Variants in PAK2 observed in about 807,000 individuals in gnomAD.
The protein encoded by PAK2 is p21 (RAC1) activated kinase 2.
Under a neutral mutation model 65.9 loss-of-function variants are expected in PAK2, and 21 were observed. That is an observed-to-expected ratio of 0.32 (90% CI 0.23 to 0.46). PAK2 has a LOEUF of 0.46. PAK2 is among the 20% of genes least tolerant of loss of function. The probability of loss-of-function intolerance (pLI) is 1.00; values close to 1 mark genes in which losing one functional copy is unlikely to be tolerated. For synonymous variants in PAK2, 204 were observed against 219.7 expected (o/e 0.93, Z 0.63); for missense variants, 324 against 642.6 (o/e 0.50, Z 5.36).
intron 11 of PAK2, 32 bp from the exon 12 acceptor site, chr3:196,818,025 A>G (rs1577747517): frequency 1.1e-6 from 1 of 881,900 alleles, no homozygotes; most frequent in South Asian, 1.3e-5. Context: ...TTCAGGGACT[A>G]TTTCATTAAT....
At chr3:196,815,183 A>AG (rs1398639168) in intron 11 of PAK2, among the ~76,000 whole-genome samples, 3 of 151,154 alleles carry the variant, frequency 2.0e-5, no homozygotes, top group Non-Finnish European at 2.9e-5. Context: ...CCGTCTCAAA[A>AG]AAAAAGAAAA....
intron 1 of PAK2, among the ~76,000 whole-genome samples, chr3:196,762,951 A>C (rs79555028): frequency 0.058 from 8,905 of 152,278 alleles, 353 homozygotes; most frequent in African/African-American, 0.11. Context: ...TAATTGACTG[A>C]CTATAACAGG....
At chr3:196,746,813 T>TAAAA (rs71621294) in intron 1 of PAK2, among the ~76,000 whole-genome samples, 2 of 129,070 alleles carry the variant, frequency 1.5e-5, no homozygotes, top group Non-Finnish European at 1.6e-5. Context: ...TCTGTCTCAT[T>TAAAA]AAAAAAAAAA....
In PAK2 at chr3:196,806,719, G is replaced by A. The variant is rs1167691392; in HGVS notation, c.576+33G>A. ...TCCATCGGTGATCTAGGCTGTGTGT[G>A]TGCACGTGTGTTTTAAAAAATAGCA... is the stretch of plus-strand genomic sequence containing the variant. On this transcript the variant is annotated intron_variant, in intron 6 of 14. Transcript: ENST00000327134. 5.0e-6 allele frequency: 6 copies of A among 1,201,050 alleles called. No individual in the cohort carries two copies. The Admixed American group carries it at 1.0e-4, about 21-fold the overall frequency. 74.4% of individuals were successfully genotyped at this position (1,201,050 alleles called of 1,614,324 possible).
At chr3:196,767,793 T>C (rs1476135859) in intron 1 of PAK2, among the ~76,000 whole-genome samples, 2 of 151,982 alleles carry the variant, frequency 1.3e-5, no homozygotes. Flanking sequence ...CGTGCCCGGC[T>C]GAAATACATG....
intron 10 of PAK2, 66 bp from the exon 11 acceptor site, chr3:196,814,385 A>G (rs1715925402): frequency 3.0e-6 from 2 of 666,448 alleles, no homozygotes; most frequent in Admixed American, 5.6e-5. Context: ...TGAATTCTTC[A>G]ACATAGAATA....
At chr3:196,768,313 A>C (rs1714240634) in intron 1 of PAK2, among the ~76,000 whole-genome samples, 1 of 151,926 alleles carries the variant, frequency 6.6e-6, no homozygotes, top group African/African-American at 2.4e-5. Context: ...AGTTTTGCCC[A>C]AGACACTATT....
intron 7 of PAK2, among the ~76,000 whole-genome samples, chr3:196,808,665 C>T (rs551699143): frequency 1.3e-5 from 2 of 151,220 alleles, no homozygotes; most frequent in South Asian, 2.1e-4. Context: ...AGGAGCAAGA[C>T]TAGCCTGGCC....
chr3:196,763,025 A>G (rs941550809), intron 1 of PAK2, among the ~76,000 whole-genome samples: 7 of 152,172 alleles, frequency 4.6e-5, no homozygotes, highest in African/African-American at 1.7e-4. Flanking sequence ...TGGAATAGCA[A>G]AAGTAAGAAG....
chr3:196,768,768 C>T lies in PAK2; in HGVS notation c.-21-13858C>T, dbSNP rs1007124693. Among the ~76,000 whole-genome samples the T allele has an allele frequency of 3.3e-5, 5 of 151,668 alleles. No individual in the cohort carries two copies. The East Asian group carries it at 5.8e-4, about 18-fold the overall frequency. The stretch of plus-strand genomic sequence containing the variant: ...GCAACCTCCTCCTCATGAGTTCAAG[C>T]GATTCTCCTGCCTCAGCCTCTTGAG... On this transcript the variant is annotated intron_variant, in intron 1 of 14. Coordinates refer to ENST00000327134, the MANE Select transcript of PAK2 (RefSeq NM_002577.4).
chr3:196,828,067 T>C (rs534315564), intron 14 of PAK2, among the ~76,000 whole-genome samples: 1 of 131,784 alleles, frequency 7.6e-6, no homozygotes, highest in Non-Finnish European at 1.6e-5. Context: ...GTTTACAGTT[T>C]GTGCATCGTA....
At position 196,828,829 on chromosome 3, in the gene PAK2, C is replaced by T. The variant is rs115360023; in HGVS notation, c.*424C>T. 0.11 allele frequency: 17,938 copies of T among 170,006 alleles called. 1,284 individuals carry two copies. The highest frequency in any genetic ancestry group is 0.16 in the Middle Eastern group (58 of 368). The allele number at this position is 170,006 out of a possible 1,614,324, so 10.5% of individuals were successfully genotyped here. A position where few individuals can be genotyped will look rare whatever the true frequency, so the allele number is the denominator to read the frequency against. On this transcript the variant is annotated 3_prime_UTR_variant, in exon 15 of 15. Coordinates refer to ENST00000327134, the MANE Select transcript of PAK2 (RefSeq NM_002577.4). ...AGTCTTTCTCTCCTTCATAGCTTTT[C>T]TTTTCCTGGACTTGCTCCTTTTGAG...
chr3:196,809,824 C>G (rs4916554), intron 7 of PAK2, among the ~76,000 whole-genome samples: 131,542 of 151,920 alleles, frequency 0.87, 57,076 homozygotes, highest in East Asian at 1. Flanking sequence ...CTATTTATGT[C>G]AGTTTCCTTG....
intron 8 of PAK2, among the ~76,000 whole-genome samples, chr3:196,811,206 C>T (rs1715779651): frequency 2.2e-5 from 1 of 45,776 alleles, no homozygotes; most frequent in Non-Finnish European, 4.2e-5. Context: ...TTCCTCCCTT[C>T]CTTCCCTTCC....
chr3:196,782,849 G>A lies in PAK2; in HGVS notation c.187+16G>A. ...ACAGAGAAAGGTAAATAGCGCTTCT[G>A]GCTTTCAGAGTCTCAGCATTGGTTT... On this transcript the variant is annotated intron_variant, in intron 2 of 14. Transcript: ENST00000327134. The A allele has an allele frequency of 1.3e-6, 2 of 1,553,912 alleles. No individual in the cohort carries two copies. The highest frequency in any genetic ancestry group is 1.8e-5 in the Admixed American group (1 of 55,282).
At chr3:196,755,441 G>A (rs923611592) in intron 1 of PAK2, among the ~76,000 whole-genome samples, 2 of 145,662 alleles carry the variant, frequency 1.4e-5, no homozygotes, top group Non-Finnish European at 1.5e-5. Context: ...GAGTGTTTAC[G>A]CATTTCTTCT....
chr3:196,794,137 AAAAAG>A (rs376825104), intron 2 of PAK2, among the ~76,000 whole-genome samples: 97 of 152,336 alleles, frequency 6.4e-4, no homozygotes, highest in African/African-American at 2.1e-3. Flanking sequence ...TCTCAAATAA[AAAAAG>A]AAAAGAAAAT....
At chr3:196,827,677 C>T (rs1351949447) in intron 14 of PAK2, among the ~76,000 whole-genome samples, 1 of 151,948 alleles carries the variant, frequency 6.6e-6, no homozygotes, top group Admixed American at 6.6e-5. Context: ...AGGTGCAGCA[C>T]AGCAACATGG....
rs1489818285 is a variant in PAK2 at position 196,829,884 on chromosome 3, T to C, written c.*1479T>C. On this transcript the variant is annotated 3_prime_UTR_variant, in exon 15 of 15. Coordinates refer to ENST00000327134, the MANE Select transcript of PAK2 (RefSeq NM_002577.4). ...AGACCTGTAGCATTAATTATTTGAG[T>C]GCCCTCCCTTCTCCCCTCCCCTCCC... 1.3e-5 allele frequency: 2 copies of C among 152,148 alleles called. No individual in the cohort carries two copies. The highest frequency in any genetic ancestry group is 4.8e-5 in the African/African-American group (2 of 41,428). The allele number at this position is 152,148 out of a possible 1,614,324, so 9.4% of individuals were successfully genotyped here. A position where few individuals can be genotyped will look rare whatever the true frequency, so the allele number is the denominator to read the frequency against.
Sources: gnomAD v4.1 joint callset for allele counts (sites outside exome capture counted in the v4.1 genomes callset) on GRCh38, gnomAD v4.1.1 for gene constraint, MANE v1.5 for transcripts, NCBI Gene and HGNC (gene_info 2026-07-23, HGNC 2026-07-21) for gene names.